Variants in ZNF85 observed in about 807,000 individuals in gnomAD.
ZNF85 encodes zinc finger protein 85, also known as zinc finger protein 85 (HPF4, HTF1).
ZNF85 carries 50 observed loss-of-function variants against 53.9 expected under a neutral mutation model. The ratio of observed to expected loss-of-function variants is 0.93; its 90% CI spans 0.74 to 1.17. The LOEUF is 1.17. Ranked by LOEUF, ZNF85 falls within the 50% of genes most tolerant of loss-of-function variation. The pLI is 0.00. For synonymous variants in ZNF85, 225 were observed against 226.1 expected, an observed-to-expected ratio of 1.00 and a Z score of 0.04; for missense variants, 747 against 688.5, an observed-to-expected ratio of 1.08 and a Z score of -0.95.
chr19:20,942,956 T>A, intron 3 of ZNF85: 1 of 543,454 alleles, frequency 1.8e-6, no homozygotes, highest in South Asian at 2.4e-5. Context: ...TTTGATTATT[T>A]GTAGAGACAG....
chr19:20,936,358 AT>A (rs1973158886), intron 3 of ZNF85, among the ~76,000 whole-genome samples: 1 of 135,384 alleles, frequency 7.4e-6, no homozygotes. Context: ...TGACAATGGT[AT>A]TGGGAATGGG....
At chr19:20,940,384 TAA>T (rs1426939638) in intron 3 of ZNF85, among the ~76,000 whole-genome samples, 1 of 152,106 alleles carries the variant, frequency 6.6e-6, no homozygotes, top group Non-Finnish European at 1.5e-5. Flanking sequence ...AAAATTTCTT[TAA>T]AATGGCCTGG....
chr19:20,949,853 A>G lies in ZNF85; in HGVS notation c.1339A>G (p.Ile447Val). Residue 447 changes from isoleucine to valine, a missense_variant, in exon 4 of 4, where the codon ATT (isoleucine) becomes GTT (valine). Physicochemically the swap from Ile to Val is conservative, Grantham distance 29. Coordinates refer to ENST00000328178, the MANE Select transcript of ZNF85 (RefSeq NM_003429.5). The part of the protein sequence containing the change: ...QSSKLTEHKK[I>V]HTGEKPYECE... The stretch of plus-strand genomic sequence containing the variant: ...CTCAAAACTTACTGAACATAAGAAA[A>G]TTCATACTGGAGAGAAACCCTATGA... The G allele has an allele frequency of 6.2e-7, 1 of 1,612,764 alleles. No individual in the cohort carries two copies. Among genetic ancestry groups the G allele is most frequent in the Non-Finnish European group, 8.5e-7 (1 of 1,179,316 alleles).
intron 3 of ZNF85, among the ~76,000 whole-genome samples, chr19:20,935,308 TAAGA>T (rs1421365250): frequency 3.3e-5 from 5 of 152,222 alleles, no homozygotes; most frequent in African/African-American, 1.2e-4. Flanking sequence ...TCGTGGCATA[TAAGA>T]GACTGCGCAG....
intron 1 of ZNF85, among the ~76,000 whole-genome samples, chr19:20,923,974 A>AAG (rs1293303702): frequency 6.6e-6 from 1 of 151,778 alleles, no homozygotes; most frequent in Non-Finnish European, 1.5e-5. Context: ...AATCCCAGCT[A>AAG]CTCAGGAGTT....
At chr19:20,938,882 ATATGTG>A (rs1210309860) in intron 3 of ZNF85, among the ~76,000 whole-genome samples, 3 of 146,900 alleles carry the variant, frequency 2.0e-5, no homozygotes, top group African/African-American at 5.2e-5. Flanking sequence ...GTGTGTATAT[ATATGTG>A]TGTGTGTGTG....
chr19:20,923,383 C>T lies in ZNF85; in HGVS notation c.-18C>T. 1 of 1,614,056 alleles carries T rather than the reference C, an allele frequency of 6.2e-7. No individual in the cohort carries two copies. Among genetic ancestry groups the T allele is most frequent in the Non-Finnish European group, 8.5e-7 (1 of 1,179,962 alleles). ...GAGATCCACAGCTAAGACGCCGGGA[C>T]CCCCTGGAAGCCTAGAAATGGTGAG... On this transcript the variant is annotated 5_prime_UTR_variant, in exon 1 of 4. Transcript: ENST00000328178.
chr19:20,938,501 CT>C (rs1376077354), intron 3 of ZNF85, among the ~76,000 whole-genome samples: 1 of 152,126 alleles, frequency 6.6e-6, no homozygotes, highest in Admixed American at 6.5e-5. Context: ...AAAAAATTTT[CT>C]TGCTGTTGGG....
chr19:20,946,666 G>T (rs1199618234), intron 3 of ZNF85, among the ~76,000 whole-genome samples: 1 of 151,724 alleles, frequency 6.6e-6, no homozygotes, highest in Admixed American at 6.6e-5. Context: ...GTCCTTCTTT[G>T]TCTCTTTGGA....
rs148708334 is a variant in ZNF85 at position 20,949,691 on chromosome 19, A to G, written c.1177A>G (p.Thr393Ala). 3.2e-3 allele frequency: 5,100 copies of G among 1,613,380 alleles called. 16 individuals are homozygous for G. The highest frequency in any genetic ancestry group is 4.0e-3 in the Non-Finnish European group (4,705 of 1,179,628). Residue 393 changes from threonine to alanine, a missense_variant, in exon 4 of 4, where the codon ACT (threonine) becomes GCT (alanine). Coordinates refer to ENST00000328178, the MANE Select transcript of ZNF85 (RefSeq NM_003429.5). ...CCTTACTACACATAAGATAATTCAT[A>G]CTGGAGAGAAACCTTACAAATGTAA... The part of the protein sequence containing the change: ...SHLTTHKIIH[T>A]GEKPYKCKEC...
chr19:20,925,558 A>G (rs1304778991), intron 1 of ZNF85, among the ~76,000 whole-genome samples: 2 of 152,200 alleles, frequency 1.3e-5, no homozygotes, highest in African/African-American at 2.4e-5. Context: ...TGGATTCTCT[A>G]AGATTTGTGA....
chr19:20,931,200 A>G (rs938482162), intron 1 of ZNF85, among the ~76,000 whole-genome samples: 5 of 152,154 alleles, frequency 3.3e-5, no homozygotes, highest in African/African-American at 1.2e-4. Flanking sequence ...CAACATCAGC[A>G]CTGACAGGGT....
chr19:20,925,605 C>T (rs1032888236), intron 1 of ZNF85, among the ~76,000 whole-genome samples: 2 of 152,118 alleles, frequency 1.3e-5, no homozygotes, highest in African/African-American at 4.8e-5. Context: ...AAAAAAAGGT[C>T]ACCCCAGTGA....
intron 3 of ZNF85, among the ~76,000 whole-genome samples, chr19:20,940,411 C>T (rs1973268271): frequency 6.6e-6 from 1 of 152,048 alleles, no homozygotes; most frequent in South Asian, 2.1e-4. Context: ...TTGGTGTGCA[C>T]TTGTGGTCCA....
Position 20,935,001 on chromosome 19 carries a change from G to A in ZNF85, c.183G>A (p.Glu61=). The change falls in exon 3 of 4, where the codon GAG becomes GAA. Residue 61 remains glutamate (E), a synonymous_variant. Coordinates refer to ENST00000328178, the MANE Select transcript of ZNF85 (RefSeq NM_003429.5). The part of the protein sequence containing the change: ...DLITCLEQGK[E]AWSMKRHEIM... ...TCACTTGTCTGGAGCAAGGGAAAGA[G>A]GCCTGGAGTATGAAGAGACATGAGA... is the stretch of plus-strand genomic sequence containing the variant. The A allele has an allele frequency of 1.2e-6, 2 of 1,611,878 alleles. No individual in the cohort carries two copies. Among genetic ancestry groups the A allele is most frequent in the African/African-American group, 1.3e-5 (1 of 74,948 alleles).
intron 1 of ZNF85, among the ~76,000 whole-genome samples, chr19:20,932,780 G>A (rs1273666979): frequency 6.6e-6 from 1 of 152,146 alleles, no homozygotes; most frequent in East Asian, 1.9e-4. Flanking sequence ...GAAGATATCT[G>A]TATCCTGAAC....
At chr19:20,932,857 G>A (rs1297223212) in intron 1 of ZNF85, among the ~76,000 whole-genome samples, 3 of 152,060 alleles carry the variant, frequency 2.0e-5, no homozygotes, top group South Asian at 2.1e-4. Flanking sequence ...TATCACAGCC[G>A]TGATGCTGTG....
intron 3 of ZNF85, among the ~76,000 whole-genome samples, chr19:20,947,751 T>C (rs1183082785): frequency 6.6e-6 from 1 of 151,600 alleles, no homozygotes; most frequent in Non-Finnish European, 1.5e-5. Flanking sequence ...TACATCATTT[T>C]TTCTTATATT....
chr19:20,927,065 G>A (rs1228842541), intron 1 of ZNF85: 1 of 152,174 alleles, frequency 6.6e-6, no homozygotes. Flanking sequence ...CATGTTCATA[G>A]GAGGGACATA....
Sources: gnomAD v4.1 joint callset for allele counts (sites outside exome capture counted in the v4.1 genomes callset) on GRCh38, gnomAD v4.1.1 for gene constraint, MANE v1.5 for transcripts, NCBI Gene and HGNC (gene_info 2026-07-23, HGNC 2026-07-21) for gene names.